ENTREP2: variants seen among roughly 807,000 people sequenced by gnomAD.
The protein encoded by ENTREP2 is endosomal transmembrane epsin interactor 2, also known as protein ENTREP2.
At chr15:29,344,144 CA>C in the ENTREP2 span, among the ~76,000 whole-genome samples, 1 of 152,204 alleles carries the variant, frequency 6.6e-6, no homozygotes, top group Non-Finnish European at 1.5e-5. Flanking sequence ...TGGCAATCTG[CA>C]AAGAGGCCAG....
the ENTREP2 span, among the ~76,000 whole-genome samples, chr15:29,601,164 T>C: frequency 6.7e-6 from 1 of 148,872 alleles, no homozygotes; most frequent in East Asian, 1.9e-4. Flanking sequence ...CCCAAAGTGC[T>C]GGGATTACAG....
the ENTREP2 span, among the ~76,000 whole-genome samples, chr15:29,574,103 T>C: frequency 6.6e-6 from 1 of 152,080 alleles, no homozygotes; most frequent in Non-Finnish European, 1.5e-5. Flanking sequence ...TTAGCCTCCC[T>C]GGCACTGATC....
the ENTREP2 span, among the ~76,000 whole-genome samples, chr15:29,208,585 C>A: frequency 1.3e-5 from 2 of 152,312 alleles, no homozygotes; most frequent in African/African-American, 4.8e-5. Flanking sequence ...CTCACATACA[C>A]CCCTGGTGGG....
the ENTREP2 span, among the ~76,000 whole-genome samples, chr15:29,556,954 A>C: frequency 6.6e-6 from 1 of 152,204 alleles, no homozygotes; most frequent in African/African-American, 2.4e-5. Context: ...TTCCGCCCTG[A>C]AACACCTGGG....
the ENTREP2 span, among the ~76,000 whole-genome samples, chr15:29,311,241 A>G: frequency 6.6e-6 from 1 of 152,192 alleles, no homozygotes; most frequent in Non-Finnish European, 1.5e-5. Context: ...GTCTTGTATC[A>G]TTATATGATC....
the ENTREP2 span, among the ~76,000 whole-genome samples, chr15:29,310,715 C>G: frequency 7.5e-6 from 1 of 132,480 alleles, no homozygotes; most frequent in Non-Finnish European, 1.5e-5. Context: ...AACAGAAGGT[C>G]AGCAGAAACA....
the ENTREP2 span, among the ~76,000 whole-genome samples, chr15:29,465,391 G>C: frequency 3.9e-5 from 6 of 152,186 alleles, no homozygotes. Context: ...AAAGCTGCCT[G>C]ACAACTGAGC....
At chr15:29,628,474 G>A in the ENTREP2 span, among the ~76,000 whole-genome samples, 1 of 152,156 alleles carries the variant, frequency 6.6e-6, no homozygotes, top group Non-Finnish European at 1.5e-5. Flanking sequence ...TGCTTGAAAA[G>A]AATGTATACT....
At chr15:29,184,477 G>A in the ENTREP2 span, among the ~76,000 whole-genome samples, 3 of 152,204 alleles carry the variant, frequency 2.0e-5, no homozygotes, top group Non-Finnish European at 4.4e-5. Flanking sequence ...GGAAGTGGAG[G>A]AAGCAATGGA....
At chr15:29,652,923 G>A in the ENTREP2 span, among the ~76,000 whole-genome samples, 6 of 152,168 alleles carry the variant, frequency 3.9e-5, no homozygotes, top group East Asian at 1.9e-4. Context: ...TGGATCAAAA[G>A]TCAGACAAAG....
At chr15:29,641,817 G>A in the ENTREP2 span, among the ~76,000 whole-genome samples, 1 of 139,260 alleles carries the variant, frequency 7.2e-6, no homozygotes, top group Admixed American at 7.2e-5. Context: ...GGGCAACAGA[G>A]TAAGACTCTG....
At chr15:29,196,525 G>A in the ENTREP2 span, 1 of 1,551,650 alleles carries the variant, frequency 6.4e-7, no homozygotes, top group South Asian at 1.2e-5. Context: ...TGGTGCTGCA[G>A]CTCACAGCAG....
chr15:29,384,722 A>T, the ENTREP2 span, among the ~76,000 whole-genome samples: 2 of 151,810 alleles, frequency 1.3e-5, no homozygotes, highest in African/African-American at 2.4e-5. Flanking sequence ...CCTCCGAGAC[A>T]GCCCCCATCT....
the ENTREP2 span, chr15:29,195,112 C>G: frequency 1.0e-6 from 1 of 985,076 alleles, no homozygotes; most frequent in East Asian, 1.1e-4. Flanking sequence ...CATGAAATAC[C>G]TGGTCCCATG....
At chr15:29,497,727 ACT>A in the ENTREP2 span, among the ~76,000 whole-genome samples, 1 of 151,818 alleles carries the variant, frequency 6.6e-6, no homozygotes, top group Non-Finnish European at 1.5e-5. Context: ...CAAAAAACCA[ACT>A]CTTAGTTTTG....
At chr15:29,570,862 C>G in the ENTREP2 span, 1 of 188,834 alleles carries the variant, frequency 5.3e-6, no homozygotes, top group African/African-American at 2.4e-5. Context: ...GCGGCGGCCG[C>G]GCGCCGGGAG....
chr15:29,244,730 G>A, the ENTREP2 span, among the ~76,000 whole-genome samples: 9 of 152,192 alleles, frequency 5.9e-5, no homozygotes, highest in African/African-American at 1.2e-4. Context: ...AGTGAACACC[G>A]CATGTGGGTG....
At chr15:29,307,697 C>T in the ENTREP2 span, among the ~76,000 whole-genome samples, 4 of 152,160 alleles carry the variant, frequency 2.6e-5, no homozygotes, top group South Asian at 8.3e-4. Flanking sequence ...GATTGGTGGC[C>T]TTAGAAAAGA....
At chr15:29,482,550 G>A in the ENTREP2 span, among the ~76,000 whole-genome samples, 1 of 152,144 alleles carries the variant, frequency 6.6e-6, no homozygotes. Context: ...TGTCTCCACA[G>A]TCTTGCTTTA....
Sources: gnomAD v4.1 joint callset for allele counts (sites outside exome capture counted in the v4.1 genomes callset) on GRCh38, gnomAD v4.1.1 for gene constraint, MANE v1.5 for transcripts, NCBI Gene and HGNC (gene_info 2026-07-23, HGNC 2026-07-21) for gene names.